Variants in MEIG1 observed in about 807,000 individuals in gnomAD.
MEIG1 encodes the protein meiosis/spermiogenesis associated 1, also known as meiosis expressed gene 1 protein homolog.
A neutral mutation model predicts 11.3 loss-of-function variants in MEIG1; 12 were observed. The observed-to-expected ratio is 1.07, with a 90% confidence interval of 0.68 to 1.73. The LOEUF is 1.73. MEIG1 is among the 40% of genes most tolerant of loss of function. The pLI is 0.00. For missense variants in MEIG1, 119 were observed against 104.9 expected, an observed-to-expected ratio of 1.13 and a Z score of -0.59; for synonymous variants, 41 against 33.2, an observed-to-expected ratio of 1.24 and a Z score of -0.81.
chr10:14,975,080 G>A (rs1411432981), downstream of MEIG1, among the ~76,000 whole-genome samples: 8 of 152,176 alleles, frequency 5.3e-5, no homozygotes, highest in South Asian at 1.0e-3. Flanking sequence ...AGGGGATGGC[G>A]TATGACGTTA....
chr10:14,987,263 G>C, intron 2 of MEIG1: 4 of 862,094 alleles, frequency 4.6e-6, no homozygotes, highest in Non-Finnish European at 7.8e-6. Flanking sequence ...GTACATGGGG[G>C]TATGGAGGGG....
intron 1 of MEIG1, among the ~76,000 whole-genome samples, chr10:14,960,251 G>A (rs1349200438): frequency 6.6e-6 from 1 of 152,144 alleles, no homozygotes. Flanking sequence ...AGGAATAAAA[G>A]GGACTATTAG....
At chr10:14,967,559 C>T (rs11259409) in intron 2 of MEIG1, among the ~76,000 whole-genome samples, 13,801 of 150,370 alleles carry the variant, frequency 0.092, 1,334 homozygotes, top group East Asian at 0.32. Flanking sequence ...GGCTGGAGTG[C>T]ACTGGCGCAA....
intron 1 of MEIG1, among the ~76,000 whole-genome samples, chr10:14,981,278 G>A (rs1008655758): frequency 6.6e-6 from 1 of 151,404 alleles, no homozygotes; most frequent in Admixed American, 6.6e-5. Context: ...TCCTCTCGGG[G>A]GACTGTAAGG....
At chr10:14,963,070 T>C (rs1328686379) in intron 1 of MEIG1, among the ~76,000 whole-genome samples, 1 of 151,558 alleles carries the variant, frequency 6.6e-6, no homozygotes, top group African/African-American at 2.4e-5. Flanking sequence ...CTGAAAGTAT[T>C]TTAATACAGT....
intron 2 of MEIG1, among the ~76,000 whole-genome samples, chr10:14,967,565 C>T (rs1174607243): frequency 2.0e-5 from 3 of 150,736 alleles, no homozygotes; most frequent in Non-Finnish European, 2.9e-5. Context: ...AGTGCACTGG[C>T]GCAATCTCGG....
intron 1 of MEIG1, among the ~76,000 whole-genome samples, chr10:14,960,776 C>G (rs1843003575): frequency 6.6e-6 from 1 of 151,986 alleles, no homozygotes; most frequent in Non-Finnish European, 1.5e-5. Flanking sequence ...CCTGTAATCC[C>G]AGCACTTTGG....
intron 1 of MEIG1, among the ~76,000 whole-genome samples, chr10:14,962,626 G>T (rs1843027425): frequency 6.6e-6 from 1 of 152,050 alleles, no homozygotes; most frequent in Admixed American, 6.6e-5. Flanking sequence ...ATGAATATGA[G>T]CAAAAAGTCA....
the MEIG1 span, chr10:14,954,278 C>T: frequency 1.8e-6 from 1 of 564,314 alleles, no homozygotes; most frequent in East Asian, 3.1e-5. Flanking sequence ...GGCTCATTCC[C>T]GCCCAACAAA....
In MEIG1 at chr10:14,972,616, A is replaced by T. The variant is rs1257411048; in HGVS notation, c.242A>T (p.His81Leu). 6.2e-7 allele frequency: 1 copy of T among 1,611,780 alleles called. No individual in the cohort carries two copies. Among genetic ancestry groups the T allele is most frequent in the East Asian group, 2.2e-5 (1 of 44,848 alleles). ...AGGGAATGTGATGACAAAGAAGTCC[A>T]CAAAGTGAAAATTTATGCTTACTAG... ...KQRECDDKEV[H>L]KVKIYAY Residue 81 changes from histidine (H) to leucine (L), a missense_variant, in exon 3 of 3, where the codon CAC becomes CTC. Transcript: ENST00000407572.
chr10:14,964,096 CAAA>C (rs370368866), intron 1 of MEIG1, among the ~76,000 whole-genome samples: 67,715 of 117,432 alleles, frequency 0.58, 16,543 homozygotes, highest in South Asian at 0.62. Flanking sequence ...GACTCCGTCT[CAAA>C]AAAAAAAAAA....
chr10:14,966,066 C>CTTTT lies in MEIG1; in HGVS notation c.-29-362_-29-359dup, dbSNP rs10673663. On this transcript the variant is annotated intron_variant, in intron 1 of 2. Coordinates refer to ENST00000407572, the MANE Select transcript of MEIG1 (RefSeq NM_001080836.3). ...TTTTTAAGTGTTAGTTTTATTTATT[C>CTTTT]TTTTTTTTTTTTTTTGAGATGGAGT... Among the ~76,000 whole-genome samples the CTTTT allele has an allele frequency of 1.1e-4, 13 of 118,704 alleles. 1 individual carries two copies. The highest frequency in any genetic ancestry group is 3.8e-4 in the African/African-American group (12 of 31,226). 77.9% of individuals were successfully genotyped at this position (118,704 alleles called of 152,430 possible). A position where few individuals can be genotyped will look rare whatever the true frequency, so the allele number is the denominator to read the frequency against.
At chr10:14,969,606 G>A (rs1362592305) in intron 2 of MEIG1, among the ~76,000 whole-genome samples, 1 of 152,106 alleles carries the variant, frequency 6.6e-6, no homozygotes, top group African/African-American at 2.4e-5. Context: ...AGGCAGAGGC[G>A]GGCCGTTCAC....
At chr10:14,983,074 G>C (rs973503988) in intron 1 of MEIG1, among the ~76,000 whole-genome samples, 1 of 152,064 alleles carries the variant, frequency 6.6e-6, no homozygotes, top group African/African-American at 2.4e-5. Flanking sequence ...ATACCCCAGT[G>C]GGTGTACACC....
At chr10:14,977,459 G>T (rs554758052), downstream of MEIG1, among the ~76,000 whole-genome samples, 1 of 151,964 alleles carries the variant, frequency 6.6e-6, no homozygotes, top group Non-Finnish European at 1.5e-5. Flanking sequence ...GATGTACACC[G>T]TGTGATATTG....
chr10:14,987,157 G>A (rs112580732), intron 2 of MEIG1: 11 of 906,546 alleles, frequency 1.2e-5, no homozygotes, highest in African/African-American at 6.7e-5. Context: ...CCGCATGAGA[G>A]ATGACTCTGC....
At chr10:14,971,216 GATAATA>G (rs55964936) in intron 2 of MEIG1, among the ~76,000 whole-genome samples, 2 of 143,642 alleles carry the variant, frequency 1.4e-5, no homozygotes, top group Non-Finnish European at 1.5e-5. Flanking sequence ...TAATAATAAT[GATAATA>G]ATAATAATAA....
chr10:14,987,941 A>T (rs1259217387), exon 3 of MEIG1: 1 of 153,382 alleles, frequency 6.5e-6, no homozygotes, highest in African/African-American at 2.4e-5. Flanking sequence ...ATCGAACCTT[A>T]TAGTTCTCAA....
At chr10:14,981,174 T>C (rs1410722054) in intron 1 of MEIG1, among the ~76,000 whole-genome samples, 17,061 of 145,034 alleles carry the variant, frequency 0.12, 1,840 homozygotes, top group African/African-American at 0.29. Context: ...TGGCCAACTC[T>C]GGAGGGTTGT....
Sources: gnomAD v4.1 joint callset for allele counts (sites outside exome capture counted in the v4.1 genomes callset) on GRCh38, gnomAD v4.1.1 for gene constraint, MANE v1.5 for transcripts, NCBI Gene and HGNC (gene_info 2026-07-23, HGNC 2026-07-21) for gene names.